FBXW8: variants seen among roughly 807,000 people sequenced by gnomAD.
FBXW8 encodes the protein F-box and WD repeat domain containing 8.
In FBXW8, 57 loss-of-function variants were observed where a neutral mutation model predicts 65.3. That is an observed-to-expected ratio of 0.87 (90% CI 0.71 to 1.09). The LOEUF is 1.09. FBXW8 is among the 50% of genes least tolerant of loss of function. The pLI, the probability that FBXW8 is intolerant of heterozygous loss-of-function variation, is 0.00. For missense variants in FBXW8, 777 were observed against 814.8 expected, an observed-to-expected ratio of 0.95 and a Z score of 0.57; for synonymous variants, 308 against 330.2, an observed-to-expected ratio of 0.93 and a Z score of 0.73.
At chr12:116,939,034 ATATCT>A (rs1882373539) in intron 2 of FBXW8, among the ~76,000 whole-genome samples, 1 of 152,190 alleles carries the variant, frequency 6.6e-6, no homozygotes, top group Non-Finnish European at 1.5e-5. Flanking sequence ...TGCCCAAAAC[ATATCT>A]TAACTGATTG....
chr12:117,015,752 TC>T (rs149154296), intron 8 of FBXW8, among the ~76,000 whole-genome samples: 4,091 of 152,278 alleles, frequency 0.027, 181 homozygotes, highest in African/African-American at 0.087. Context: ...TTTAAGTAGG[TC>T]CACAAGGTTG....
At chr12:116,955,813 C>T (rs1156571402) in intron 4 of FBXW8, among the ~76,000 whole-genome samples, 2 of 152,068 alleles carry the variant, frequency 1.3e-5, no homozygotes, top group Non-Finnish European at 2.9e-5. Context: ...TCAAAAAAGA[C>T]AGTATAAAAC....
intron 3 of FBXW8, among the ~76,000 whole-genome samples, chr12:116,946,761 G>T (rs1171411228): frequency 6.6e-6 from 1 of 152,050 alleles, no homozygotes; most frequent in Non-Finnish European, 1.5e-5. Flanking sequence ...TCTTGCCCGT[G>T]TGCCTGGGTA....
Position 117,028,176 on chromosome 12 carries a change from T to C in FBXW8, c.*4T>C, listed in dbSNP as rs2291916. 0.34 allele frequency: 553,010 copies of C among 1,612,898 alleles called. 106,854 individuals are homozygous for C. Among genetic ancestry groups the C allele is most frequent in the African/African-American group, 0.82 (61,549 of 74,966 alleles). On this transcript the variant is annotated 3_prime_UTR_variant, in exon 11 of 11. Transcript: ENST00000652555. This position sits in a 1 kb window ranked among gnomAD's most constrained non-coding sequence, Gnocchi z 4.1. Reference sequence around the variant, plus strand: ...CTTTCCCTATAACCATGTTTAGGGATGTGCCTCAGTTGGGAGCAAGGAGAA... The same window carrying C: ...CTTTCCCTATAACCATGTTTAGGGACGTGCCTCAGTTGGGAGCAAGGAGAA...
chr12:116,960,729 T>A (rs974614958), intron 4 of FBXW8, among the ~76,000 whole-genome samples: 31 of 152,204 alleles, frequency 2.0e-4, no homozygotes, highest in African/African-American at 6.8e-4. Context: ...TCACTATTTA[T>A]GATGAGCTCT....
At chr12:116,949,258 T>C (rs775228805) in intron 3 of FBXW8, 19 of 228,264 alleles carry the variant, frequency 8.3e-5, no homozygotes, top group Admixed American at 2.5e-4. Context: ...TCACATACTT[T>C]ATAAGTTTCT....
intron 5 of FBXW8, among the ~76,000 whole-genome samples, chr12:116,970,495 C>G (rs199638119): frequency 1.3e-5 from 2 of 152,124 alleles, no homozygotes; most frequent in East Asian, 1.9e-4. Context: ...CAACAATGGA[C>G]GGGGGTGGGT....
chr12:116,912,171 GTT>G (rs57142470), intron 1 of FBXW8, among the ~76,000 whole-genome samples: 4,109 of 131,008 alleles, frequency 0.031, 84 homozygotes, highest in African/African-American at 0.069. Context: ...TTTTTTTCCT[GTT>G]TTTTTTTTTT....
At chr12:116,919,643 C>T (rs367872830) in intron 1 of FBXW8, among the ~76,000 whole-genome samples, 12 of 152,214 alleles carry the variant, frequency 7.9e-5, no homozygotes, top group East Asian at 7.7e-4. Context: ...CCTTACTGTT[C>T]TAACTCCACC....
rs894998526 is a variant in FBXW8, at chr12:116,965,454, C to T, written c.835+600C>T. Among the ~76,000 whole-genome samples the T allele has an allele frequency of 4.6e-5, 7 of 152,272 alleles. No homozygotes were observed. In the East Asian group the frequency reaches 5.8e-4, roughly 13 times the overall value. ...ATCTATGCAAAGAAACTCTTGACAG[C>T]GTATAACTACTAGAAATGGTCATTT... On this transcript the variant is annotated intron_variant, in intron 5 of 10. Coordinates refer to ENST00000652555, the MANE Select transcript of FBXW8 (RefSeq NM_153348.3).
At chr12:117,008,939 C>T (rs531020464) in intron 7 of FBXW8, among the ~76,000 whole-genome samples, 109 of 152,224 alleles carry the variant, frequency 7.2e-4, no homozygotes, top group Middle Eastern at 3.4e-3. Context: ...TGGTGGCGGG[C>T]GCCTGTAGTC....
intron 7 of FBXW8, among the ~76,000 whole-genome samples, chr12:116,993,175 C>G (rs1393850226): frequency 1.5e-5 from 2 of 130,544 alleles, no homozygotes; most frequent in Admixed American, 1.9e-4. Flanking sequence ...GTGATCTCGG[C>G]TCACTGCAAC....
chr12:116,954,397 A>G (rs1883504617), intron 4 of FBXW8, among the ~76,000 whole-genome samples: 2 of 152,110 alleles, frequency 1.3e-5, no homozygotes, highest in South Asian at 4.1e-4. Context: ...TGTTGCAAAA[A>G]CACTTTGGAT....
intron 4 of FBXW8, among the ~76,000 whole-genome samples, chr12:116,963,230 A>G (rs961296236): frequency 6.6e-6 from 1 of 152,170 alleles, no homozygotes; most frequent in African/African-American, 2.4e-5. Context: ...TGTGCAATAT[A>G]TGTATTTACT....
intron 4 of FBXW8, among the ~76,000 whole-genome samples, chr12:116,963,443 T>TA (rs769034332): frequency 6.6e-6 from 1 of 151,784 alleles, no homozygotes; most frequent in Non-Finnish European, 1.5e-5. Flanking sequence ...TACTAAAAAC[T>TA]AAAAAAACAA....
At chr12:116,997,696 GCCTGCAGGAGCACCAGCAGC>G (rs1265165076) in intron 7 of FBXW8, among the ~76,000 whole-genome samples, 1 of 152,196 alleles carries the variant, frequency 6.6e-6, no homozygotes, top group Non-Finnish European at 1.5e-5. Flanking sequence ...GTATATTCAG[GCCTGCAGGAGCACCAGCAGC>G]CCTGGGCTGC....
At chr12:117,022,852 T>C (rs1954133327) in intron 8 of FBXW8, among the ~76,000 whole-genome samples, 1 of 152,166 alleles carries the variant, frequency 6.6e-6, no homozygotes, top group Non-Finnish European at 1.5e-5. Context: ...TACAGATGTG[T>C]TTTTCATGCA....
At chr12:117,027,349 G>A (rs1267977436) in intron 9 of FBXW8, 45 bp from the exon 10 acceptor site, 3 of 1,468,348 alleles carry the variant, frequency 2.0e-6, no homozygotes, top group Non-Finnish European at 2.9e-6. Context: ...GCAAGTGCAG[G>A]CCCAGTGGAC....
rs188476241 is a variant in FBXW8 at position 117,002,801 on chromosome 12, C to T, written c.1240-7522C>T. ...TTTACTCTTTTGTCACTGGCTCCCCCTCTCCCCAGTTGTCTATCTTTCTCA... is the reference window on the plus strand; with the variant it reads ...TTTACTCTTTTGTCACTGGCTCCCCTTCTCCCCAGTTGTCTATCTTTCTCA... On this transcript the variant is annotated intron_variant, in intron 7 of 10. Transcript: ENST00000652555. 9 of 152,304 alleles carry T rather than the reference C, an allele frequency of 5.9e-5. No individual in the cohort carries two copies. In the East Asian group the frequency reaches 9.6e-4, roughly 16 times the overall value. 9.4% of individuals were successfully genotyped at this position (152,304 alleles called of 1,614,324 possible). A position where few individuals can be genotyped will look rare whatever the true frequency, so the allele number is the denominator to read the frequency against.
Sources: allele counts gnomAD v4.1 joint callset (sites outside exome capture counted in the v4.1 genomes callset), GRCh38; gene constraint gnomAD v4.1.1; non-coding constraint Gnocchi (gnomAD v3.1); transcripts MANE v1.5; gene names NCBI Gene and HGNC (gene_info 2026-07-23, HGNC 2026-07-21).